AQP9: variants seen among roughly 807,000 people sequenced by gnomAD.
AQP9 encodes the protein aquaporin-9.
A neutral mutation model predicts 23.8 loss-of-function variants in AQP9; 19 were observed. The observed-to-expected ratio is 0.80, with a 90% CI of 0.56 to 1.17. The LOEUF is 1.17. AQP9 is among the 50% of genes most tolerant of loss of function. The probability of loss-of-function intolerance (pLI) is 0.00; values close to 1 mark genes in which losing one functional copy is unlikely to be tolerated. For synonymous variants in AQP9, 153 were observed against 131.5 expected (o/e 1.16, Z -1.12); for missense variants, 413 against 362.0 (o/e 1.14, Z -1.14).
chr15:58,179,872 G>C (rs151215829), intron 5 of AQP9, among the ~76,000 whole-genome samples: 21 of 152,208 alleles, frequency 1.4e-4, no homozygotes, highest in African/African-American at 5.1e-4. Context: ...TAAGTGCTCT[G>C]GCAACCCCTA....
chr15:58,146,748 G>C (rs1288989318), intron 1 of AQP9: 5 of 152,140 alleles, frequency 3.3e-5, no homozygotes, highest in African/African-American at 1.2e-4. Flanking sequence ...CTTCTGCTGG[G>C]TTCCCCAGGT....
intron 1 of AQP9, chr15:58,155,624 G>A (rs1347392645): frequency 2.0e-5 from 3 of 151,910 alleles, no homozygotes; most frequent in Non-Finnish European, 4.4e-5. Flanking sequence ...CACTTTCCAC[G>A]CTTACTACAC....
At chr15:58,174,653 A>T (rs1033306504) in intron 3 of AQP9, among the ~76,000 whole-genome samples, 1 of 152,258 alleles carries the variant, frequency 6.6e-6, no homozygotes, top group African/African-American at 2.4e-5. Context: ...AAGAGAACTC[A>T]TTCCCAGGAC....
At chr15:58,177,649 G>T (rs55885730) in intron 4 of AQP9, among the ~76,000 whole-genome samples, 3 of 151,960 alleles carry the variant, frequency 2.0e-5, no homozygotes, top group Non-Finnish European at 4.4e-5. Context: ...TGTTTTACTC[G>T]AGTTTTCTTA....
At chr15:58,166,315 AC>A (rs1418090214) in intron 1 of AQP9, among the ~76,000 whole-genome samples, 12 of 152,186 alleles carry the variant, frequency 7.9e-5, no homozygotes, top group African/African-American at 2.7e-4. Context: ...GGTACATGGG[AC>A]TTTTCTGTAT....
At chr15:58,145,013 CAAA>C (rs66782655) in intron 1 of AQP9, among the ~76,000 whole-genome samples, 1 of 50,754 alleles carries the variant, frequency 2.0e-5, no homozygotes, top group Non-Finnish European at 4.3e-5. Flanking sequence ...GACTCCATCT[CAAA>C]AAAAAAAAAA....
At chr15:58,147,405 C>T (rs188214075) in intron 1 of AQP9, among the ~76,000 whole-genome samples, 50 of 152,244 alleles carry the variant, frequency 3.3e-4, no homozygotes, top group African/African-American at 1.0e-3. Context: ...GCAGTTCAAC[C>T]GTGAAGAAAT....
chr15:58,182,824 G>A (rs1178807750), intron 5 of AQP9, among the ~76,000 whole-genome samples: 2 of 152,166 alleles, frequency 1.3e-5, no homozygotes, highest in East Asian at 1.9e-4. Context: ...AGGTGCCCCA[G>A]GTGGAAGGGA....
At chr15:58,180,263 G>T (rs758026892) in intron 5 of AQP9, among the ~76,000 whole-genome samples, 1 of 152,188 alleles carries the variant, frequency 6.6e-6, no homozygotes, top group African/African-American at 2.4e-5. Context: ...AAACATGTGT[G>T]AGCAAATTCT....
At chr15:58,149,891 C>G (rs4775013) in intron 1 of AQP9, among the ~76,000 whole-genome samples, 100,306 of 152,154 alleles carry the variant, frequency 0.66, 35,415 homozygotes, top group Middle Eastern at 0.84. Flanking sequence ...TGGCCACCAC[C>G]TTAGACAAAG....
chr15:58,144,249 T>A (rs1182723035), intron 1 of AQP9, among the ~76,000 whole-genome samples: 1 of 152,220 alleles, frequency 6.6e-6, no homozygotes, highest in Non-Finnish European at 1.5e-5. Flanking sequence ...CTTATTGAGG[T>A]TTAATATTTT....
At chr15:58,175,088 T>C in intron 4 of AQP9, 52 bp downstream of exon 4, 4 of 1,447,800 alleles carry the variant, frequency 2.8e-6, no homozygotes, top group Non-Finnish European at 3.9e-6. Context: ...TATGCTCTCA[T>C]AAGGGGAATG....
chr15:58,159,762 T>A (rs923310127), intron 1 of AQP9, among the ~76,000 whole-genome samples: 14 of 152,218 alleles, frequency 9.2e-5, no homozygotes, highest in Non-Finnish European at 1.9e-4. Context: ...TTGATGTCTG[T>A]CTTTCTATGC....
In AQP9 at chr15:58,179,112, A is replaced by G. The variant is rs757740789; in HGVS notation, c.496-16A>G. On this transcript the variant is annotated splice_polypyrimidine_tract_variant and intron_variant, in intron 4 of 5. Coordinates refer to ENST00000219919, the MANE Select transcript of AQP9 (RefSeq NM_020980.5). Reference sequence around the variant, plus strand: ...GAATGCAGGCTAAAGCCCTGGCTCAACTTCTCCCTCTCCAGGTGGTGGCCA... The same window carrying G: ...GAATGCAGGCTAAAGCCCTGGCTCAGCTTCTCCCTCTCCAGGTGGTGGCCA... 2.5e-6 allele frequency: 4 copies of G among 1,577,544 alleles called. No homozygotes were observed. The highest frequency in any genetic ancestry group is 3.5e-6 in the Non-Finnish European group (4 of 1,146,608).
chr15:58,184,290 G>C lies in AQP9; in HGVS notation c.*155G>C. On this transcript the variant is annotated 3_prime_UTR_variant, in exon 6 of 6. Coordinates refer to ENST00000219919, the MANE Select transcript of AQP9 (RefSeq NM_020980.5). ...TAATTGGAAAAGCATCTGCATAAAA[G>C]TTTGGAAACAATGACCACTTCTCTA... The C allele has an allele frequency of 3.9e-6, 3 of 767,894 alleles. No individual in the cohort carries two copies. Among genetic ancestry groups the C allele is most frequent in the East Asian group, 2.8e-5 (1 of 36,340 alleles). The allele number at this position is 767,894 out of a possible 1,614,324, so 47.6% of individuals were successfully genotyped here.
intron 4 of AQP9, among the ~76,000 whole-genome samples, chr15:58,175,944 T>C (rs535889708): frequency 6.6e-6 from 1 of 152,334 alleles, no homozygotes; most frequent in South Asian, 2.1e-4. Flanking sequence ...CTTGAAAGAC[T>C]GACGAGTAAA....
intron 1 of AQP9, among the ~76,000 whole-genome samples, chr15:58,145,827 A>G (rs1036002873): frequency 1.3e-5 from 2 of 152,178 alleles, no homozygotes; most frequent in Non-Finnish European, 2.9e-5. Flanking sequence ...AGGGTGTGTG[A>G]CAGATGAACT....
chr15:58,139,424 A>T (rs907471549), intron 1 of AQP9, among the ~76,000 whole-genome samples: 1 of 152,156 alleles, frequency 6.6e-6, no homozygotes, highest in Non-Finnish European at 1.5e-5. Context: ...CTGGGCTTTC[A>T]TTTTGCTGCA....
intron 1 of AQP9, among the ~76,000 whole-genome samples, chr15:58,162,149 C>A (rs1898397458): frequency 6.6e-6 from 1 of 152,106 alleles, no homozygotes; most frequent in Admixed American, 6.5e-5. Flanking sequence ...ATGTGATACA[C>A]AAATATGGGA....
Sources: gnomAD v4.1 joint callset for allele counts (sites outside exome capture counted in the v4.1 genomes callset) on GRCh38, gnomAD v4.1.1 for gene constraint, MANE v1.5 for transcripts, NCBI Gene and HGNC (gene_info 2026-07-23, HGNC 2026-07-21) for gene names.